The following SNX29 variants were observed in gnomAD, a reference collection of about 807,000 sequenced individuals.
SNX29 encodes the protein sorting nexin-29.
In SNX29, 78 loss-of-function variants were observed where a neutral mutation model predicts 102.1. The observed-to-expected ratio is 0.76, with a 90% CI of 0.64 to 0.92. The LOEUF is 0.92. Ranked by LOEUF, SNX29 falls within the 40% of genes least tolerant of loss-of-function variation. SNX29 has a pLI of 0.00. For synonymous variants in SNX29, 580 were observed against 414.5 expected (o/e 1.40, Z -4.85); for missense variants, 1,280 against 1,061.7 (o/e 1.21, Z -2.86).
At chr16:12,184,829 C>T (rs138375218) in intron 13 of SNX29, among the ~76,000 whole-genome samples, 97 of 152,338 alleles carry the variant, frequency 6.4e-4, no homozygotes, top group African/African-American at 2.2e-3. Context: ...CAGTGACAGA[C>T]AGCTTGAGGG....
intron 18 of SNX29, among the ~76,000 whole-genome samples, chr16:12,459,917 A>G (rs1046856477): frequency 6.6e-6 from 1 of 152,218 alleles, no homozygotes; most frequent in Non-Finnish European, 1.5e-5. Context: ...AGATAGAAGG[A>G]CCAGCGACAC....
intron 16 of SNX29, among the ~76,000 whole-genome samples, chr16:12,363,396 A>G (rs1448980655): frequency 6.6e-6 from 1 of 152,064 alleles, no homozygotes; most frequent in Non-Finnish European, 1.5e-5. Flanking sequence ...ACCACACTGG[A>G]TTAGGCTTCC....
intron 11 of SNX29, among the ~76,000 whole-genome samples, chr16:12,105,499 G>C (rs953321761): frequency 1.3e-5 from 2 of 152,076 alleles, no homozygotes; most frequent in Non-Finnish European, 2.9e-5. Context: ...TGGGATTACA[G>C]GCGTGAGCCA....
At position 12,098,083 on chromosome 16, in the gene SNX29, T is replaced by C. The variant is rs1411812419; in HGVS notation, c.1402+19168T>C. Reference sequence around the variant, plus strand: ...GGTGAATAGCACTTGCCATGTGCAGTGCCCGCACACGCTGGGCCCAGAGGA... The same window carrying C: ...GGTGAATAGCACTTGCCATGTGCAGCGCCCGCACACGCTGGGCCCAGAGGA... On this transcript the variant is annotated intron_variant, in intron 11 of 20. Coordinates refer to ENST00000566228, the MANE Select transcript of SNX29 (RefSeq NM_032167.5). This position sits in a 1 kb window ranked among gnomAD's most constrained non-coding sequence, Gnocchi z 6.0. Among the ~76,000 whole-genome samples the C allele has an allele frequency of 6.6e-6, 1 of 152,212 alleles. No homozygotes were observed. The highest frequency in any genetic ancestry group is 1.5e-5 in the Non-Finnish European group (1 of 68,034).
chr16:12,144,282 A>G (rs1316892181), intron 13 of SNX29, among the ~76,000 whole-genome samples: 1 of 152,210 alleles, frequency 6.6e-6, no homozygotes, highest in African/African-American at 2.4e-5. Context: ...AAAGAATAGT[A>G]TGACCCACTG....
chr16:12,130,121 A>ACAAC (rs2054395052), intron 13 of SNX29, among the ~76,000 whole-genome samples: 1 of 149,224 alleles, frequency 6.7e-6, no homozygotes. Context: ...AAAACAAACA[A>ACAAC]CAACCAACCA....
Position 12,159,432 on chromosome 16 carries a change from C to T in SNX29, c.1595+29674C>T, listed in dbSNP as rs189740655. Among the ~76,000 whole-genome samples, 12 of 152,334 alleles carry T rather than the reference C, an allele frequency of 7.9e-5. No homozygotes were observed. The East Asian group carries it at 1.2e-3, about 15-fold the overall frequency. On this transcript the variant is annotated intron_variant, in intron 13 of 20. Coordinates refer to ENST00000566228, the MANE Select transcript of SNX29 (RefSeq NM_032167.5). ...CTGTTCTGTTTCTAGGCTTCAACTT[C>T]GGATATCTTGGACCAGGCGTTTCTC...
intron 13 of SNX29, among the ~76,000 whole-genome samples, chr16:12,155,270 G>A (rs75550157): frequency 0.041 from 6,204 of 152,336 alleles, 168 homozygotes; most frequent in Middle Eastern, 0.075. Flanking sequence ...GCAGCTGAGT[G>A]TGCTCAGGTA....
intron 20 of SNX29, among the ~76,000 whole-genome samples, chr16:12,528,934 C>G (rs1418941318): frequency 6.6e-6 from 1 of 152,232 alleles, no homozygotes; most frequent in Non-Finnish European, 1.5e-5. Flanking sequence ...ACAAATATTA[C>G]TTAAAACTTT....
At chr16:12,294,538 T>C (rs1414478576) in intron 15 of SNX29, among the ~76,000 whole-genome samples, 1 of 152,218 alleles carries the variant, frequency 6.6e-6, no homozygotes, top group Non-Finnish European at 1.5e-5. Context: ...CCCTCTGCTG[T>C]CTGTCTGTAG....
intron 15 of SNX29, among the ~76,000 whole-genome samples, chr16:12,328,925 C>T (rs1441854740): frequency 6.6e-6 from 1 of 152,160 alleles, no homozygotes; most frequent in East Asian, 1.9e-4. Context: ...GTTCCCTGGG[C>T]TCAGTTTCCT....
Position 12,098,801 on chromosome 16 carries a change from G to C in SNX29, c.1402+19886G>C, listed in dbSNP as rs1046908746. Reference sequence around the variant, plus strand: ...TGGGCTTACAAAACCTCGTCCCTGAGTCTAACAGTCAGAGGTAGAGACCCC... The same window carrying C: ...TGGGCTTACAAAACCTCGTCCCTGACTCTAACAGTCAGAGGTAGAGACCCC... On this transcript the variant is annotated intron_variant, in intron 11 of 20. Coordinates refer to ENST00000566228, the MANE Select transcript of SNX29 (RefSeq NM_032167.5). The surrounding 1 kb of genome is among the most constrained non-coding windows in gnomAD (Gnocchi z 6.0). Among the ~76,000 whole-genome samples, 53 of 152,336 alleles carry C rather than the reference G, an allele frequency of 3.5e-4. No individual in the cohort carries two copies. The highest frequency in any genetic ancestry group is 7.3e-4 in the Non-Finnish European group (50 of 68,040).
At chr16:12,439,866 G>C (rs1007183633) in intron 18 of SNX29, among the ~76,000 whole-genome samples, 2 of 152,240 alleles carry the variant, frequency 1.3e-5, no homozygotes, top group African/African-American at 4.8e-5. Context: ...GCTTGGTGCA[G>C]GGTGGGTGCT....
At chr16:12,513,394 C>A (rs1022680578) in intron 19 of SNX29, among the ~76,000 whole-genome samples, 1 of 151,762 alleles carries the variant, frequency 6.6e-6, no homozygotes, top group Non-Finnish European at 1.5e-5. Flanking sequence ...CTCTCCCTTC[C>A]CCTCCCCTCT....
chr16:12,529,947 A>G (rs931183057), intron 20 of SNX29, among the ~76,000 whole-genome samples: 6 of 152,162 alleles, frequency 3.9e-5, no homozygotes. Flanking sequence ...AGTTGCCAGT[A>G]AGGAGTGGTG....
intron 17 of SNX29, among the ~76,000 whole-genome samples, chr16:12,403,122 T>C (rs1390867697): frequency 6.6e-6 from 1 of 151,614 alleles, no homozygotes; most frequent in African/African-American, 2.4e-5. Flanking sequence ...GAGACTGAGG[T>C]TCAGATACAT....
rs138517542 is a variant in SNX29 at position 12,543,502 on chromosome 16, G to A, written c.2318+18661G>A. On this transcript the variant is annotated intron_variant, in intron 20 of 20. Coordinates refer to ENST00000566228, the MANE Select transcript of SNX29 (RefSeq NM_032167.5). ...TAAAGCCACAGCCACCTGTGCTGGC[G>A]AGTCATTGTGTAAGAAGCTTGTGAC... Among the ~76,000 whole-genome samples, 1,060 of 152,280 alleles carry A rather than the reference G, an allele frequency of 7.0e-3. 5 individuals are homozygous for A. Among genetic ancestry groups the A allele is most frequent in the Middle Eastern group, 0.014 (4 of 294 alleles).
intron 20 of SNX29, among the ~76,000 whole-genome samples, chr16:12,539,412 G>A (rs184517289): frequency 4.3e-4 from 66 of 152,264 alleles, no homozygotes; most frequent in East Asian, 9.6e-4. Context: ...CCGTCAAGTC[G>A]TTGGGTGAGT....
intron 13 of SNX29, among the ~76,000 whole-genome samples, chr16:12,193,424 G>A (rs900310283): frequency 1.4e-5 from 2 of 143,714 alleles, no homozygotes; most frequent in East Asian, 2.1e-4. Context: ...AGCCGAGATC[G>A]CACCACTGCA....
Sources: allele counts gnomAD v4.1 joint callset (sites outside exome capture counted in the v4.1 genomes callset), GRCh38; gene constraint gnomAD v4.1.1; non-coding constraint Gnocchi (gnomAD v3.1); transcripts MANE v1.5; gene names NCBI Gene and HGNC (gene_info 2026-07-23, HGNC 2026-07-21).